The following ROS1 variants were observed in gnomAD, a reference collection of about 807,000 sequenced individuals.
ROS1 encodes the protein proto-oncogene tyrosine-protein kinase ROS.
In ROS1, 263 loss-of-function variants were observed where a neutral mutation model predicts 273.5. That is an observed-to-expected ratio of 0.96 (90% CI 0.87 to 1.06). The LOEUF (loss-of-function observed/expected upper bound fraction) is 1.06. ROS1 is among the 50% of genes least tolerant of loss of function. The pLI is 0.00. For missense variants in ROS1, 2,833 were observed against 2,751.1 expected (o/e 1.03, Z -0.67); for synonymous variants, 1,008 against 954.1 (o/e 1.06, Z -1.04).
intron 15 of ROS1, among the ~76,000 whole-genome samples, chr6:117,386,593 T>A (rs991957014): frequency 6.6e-6 from 1 of 152,256 alleles, no homozygotes; most frequent in African/African-American, 2.4e-5. Flanking sequence ...TGGAACAAGA[T>A]AGGCTGTTAA....
chr6:117,360,384 C>T lies in ROS1; in HGVS notation c.3388G>A (p.Gly1130Arg), dbSNP rs151330473. ...ACAACGTCAGCATATGGTCCTGGCC[C>T]CTTAGATGTAAAGGCCCTAACCTAA... ...AFQVRAFTSK[G>R]PGPYADVVKS... The change falls in exon 23 of 44, where the codon GGG becomes AGG. Residue 1130 changes from glycine to arginine, a missense_variant. By Grantham distance (125) the Gly-to-Arg change is moderately radical. Coordinates refer to ENST00000368507, the MANE Select transcript of ROS1 (RefSeq NM_001378902.1). 119 of 1,613,046 alleles carry T rather than the reference C, an allele frequency of 7.4e-5. 1 individual carries two copies. The African/African-American group carries it at 8.7e-4, about 12-fold the overall frequency.
intron 28 of ROS1, among the ~76,000 whole-genome samples, chr6:117,343,770 GGATAATTA>G (rs1355063924): frequency 6.6e-6 from 1 of 152,102 alleles, no homozygotes; most frequent in Non-Finnish European, 1.5e-5. Context: ...TTCTCTCTGA[GGATAATTA>G]GATAATCAGG....
At chr6:117,419,794 A>G (rs971411022) in intron 1 of ROS1, among the ~76,000 whole-genome samples, 1 of 152,216 alleles carries the variant, frequency 6.6e-6, no homozygotes, top group African/African-American at 2.4e-5. Flanking sequence ...CTTGATGATC[A>G]TAGTCACACT....
chr6:117,300,145 G>T (rs13205322), intron 43 of ROS1, among the ~76,000 whole-genome samples: 5 of 135,386 alleles, frequency 3.7e-5, no homozygotes, highest in African/African-American at 5.4e-5. Flanking sequence ...TAGAGATGGG[G>T]TTTCACTGTG....
chr6:117,308,842 A>G lies in ROS1; in HGVS notation c.6503T>C (p.Val2168Ala). ...TGGCTCCAGTCTCCCTCCTGTTTGCACATAGTTTAACACATCAAGGTTGGA... is the reference window on the plus strand; with the variant it reads ...TGGCTCCAGTCTCCCTCCTGTTTGCGCATAGTTTAACACATCAAGGTTGGA... The part of the protein sequence containing the change: ...AHSNLDVLNY[V>A]QTGGRLEPPR... The change falls in exon 42 of 44, where the codon GTG (valine) becomes GCG (alanine). Residue 2168 changes from valine to alanine, a missense_variant. Coordinates refer to ENST00000368507, the MANE Select transcript of ROS1 (RefSeq NM_001378902.1). The G allele has an allele frequency of 6.2e-7, 1 of 1,613,512 alleles. No homozygotes were observed. Among genetic ancestry groups the G allele is most frequent in the African/African-American group, 1.3e-5 (1 of 75,018 alleles).
At position 117,326,752 on chromosome 6, in the gene ROS1, T is replaced by C. The variant is rs147434532; in HGVS notation, c.5349-338A>G. The stretch of plus-strand genomic sequence containing the variant: ...AGACAATTATTCCATGATTTTTAAC[T>C]GGGAAGTTTCCATTTTCTCAATTTT... On this transcript the variant is annotated intron_variant, in intron 33 of 43. Coordinates refer to ENST00000368507, the MANE Select transcript of ROS1 (RefSeq NM_001378902.1). Among the ~76,000 whole-genome samples the C allele has an allele frequency of 7.9e-3, 1,207 of 152,344 alleles. 28 individuals carry two copies. The highest frequency in any genetic ancestry group is 0.056 in the Admixed American group (862 of 15,288).
intron 15 of ROS1, 42 bp from the exon 16 acceptor site, chr6:117,385,903 A>G: frequency 6.6e-7 from 1 of 1,524,918 alleles, no homozygotes. Flanking sequence ...TTTCATACAT[A>G]CCAACAAAAA....
intron 27 of ROS1, among the ~76,000 whole-genome samples, chr6:117,345,724 T>A (rs1383269027): frequency 6.6e-6 from 1 of 152,220 alleles, no homozygotes; most frequent in East Asian, 1.9e-4. Flanking sequence ...AGCTCTTCTG[T>A]AAACAGAGAC....
intron 8 of ROS1, 87 bp from the exon 9 acceptor site, chr6:117,396,351 T>C: frequency 1.1e-6 from 1 of 946,480 alleles, no homozygotes; most frequent in Non-Finnish European, 1.7e-6. Context: ...AACATTTCTA[T>C]TTAAAGGGTG....
chr6:117,347,849 G>A (rs1778503838), intron 27 of ROS1, among the ~76,000 whole-genome samples: 1 of 152,012 alleles, frequency 6.6e-6, no homozygotes, highest in Non-Finnish European at 1.5e-5. Flanking sequence ...TCTTTAGTCT[G>A]TTGATATAGT....
chr6:117,293,926 C>G (rs377374174), intron 43 of ROS1, among the ~76,000 whole-genome samples: 10 of 152,158 alleles, frequency 6.6e-5, no homozygotes, highest in Admixed American at 5.9e-4. Context: ...AAGCCAAACC[C>G]AAGAGCACAT....
At chr6:117,328,360 A>G (rs1776798698) in intron 33 of ROS1, 1 of 263,070 alleles carries the variant, frequency 3.8e-6, no homozygotes, top group African/African-American at 2.2e-5. Flanking sequence ...AGGTCCTAGC[A>G]AAAACCTGAT....
intron 18 of ROS1, among the ~76,000 whole-genome samples, chr6:117,375,519 A>T (rs956913645): frequency 5.9e-5 from 9 of 152,164 alleles, no homozygotes; most frequent in African/African-American, 2.2e-4. Context: ...TGTACCCCAA[A>T]CCCCCAGGAC....
intron 13 of ROS1, 143 bp downstream of exon 13, chr6:117,389,206 CT>C (rs904926452): frequency 8.8e-4 from 792 of 896,738 alleles, no homozygotes; most frequent in Non-Finnish European, 1.1e-3. Flanking sequence ...AATGTATAAA[CT>C]TTTTTTTTAG....
intron 32 of ROS1, among the ~76,000 whole-genome samples, chr6:117,336,962 A>G (rs1328461036): frequency 6.6e-6 from 1 of 152,162 alleles, no homozygotes; most frequent in East Asian, 1.9e-4. Context: ...AATTTTGCCC[A>G]GTTCAGGATC....
In ROS1 at chr6:117,310,144, G is replaced by A. The variant is rs752266755; in HGVS notation, c.6353C>T (p.Pro2118Leu). The change falls in exon 41 of 44, where the codon CCA becomes CTA. Residue 2118 changes from proline to leucine, a missense_variant. Transcript: ENST00000368507. ...YYRKRGEGLLPVRWMAPESLM... is the reference protein window; with the variant it reads ...YYRKRGEGLLLVRWMAPESLM... ...ACTTTCTGGAGCCATCCACCGAACT[G>A]GGAGCAGGCCTTCCCCTCTCTTTCT... 6 of 1,613,344 alleles carry A rather than the reference G, an allele frequency of 3.7e-6. No homozygotes were observed. Among genetic ancestry groups the A allele is most frequent in the South Asian group, 3.3e-5 (3 of 91,062 alleles).
Position 117,410,662 on chromosome 6 carries a change from C to T in ROS1, c.256-1020G>A, listed in dbSNP as rs183496466. Among the ~76,000 whole-genome samples the T allele has an allele frequency of 7.2e-5, 11 of 152,264 alleles. No individual in the cohort carries two copies. The East Asian group carries it at 2.1e-3, about 29-fold the overall frequency. ...GATCAATCTTCCTGCTGTCTTTCAA[C>T]TTGTAACTATAATACCTAGGACAAC... On this transcript the variant is annotated intron_variant, in intron 4 of 43. Transcript: ENST00000368507.
intron 4 of ROS1, 144 bp downstream of exon 4, chr6:117,414,375 T>C: frequency 1.6e-6 from 1 of 641,194 alleles, no homozygotes; most frequent in Non-Finnish European, 2.7e-6. Context: ...GTCATCTGTA[T>C]ACTCAGAGTA....
At chr6:117,301,355 T>C in intron 42 of ROS1, 1 of 411,924 alleles carries the variant, frequency 2.4e-6, no homozygotes, top group South Asian at 4.2e-5. Flanking sequence ...AAAGCTGACA[T>C]TATTTTAACA....
Sources: gnomAD v4.1 joint callset for allele counts (sites outside exome capture counted in the v4.1 genomes callset) on GRCh38, gnomAD v4.1.1 for gene constraint, MANE v1.5 for transcripts, NCBI Gene and HGNC (gene_info 2026-07-23, HGNC 2026-07-21) for gene names.